Variants in SCARA5 observed in about 807,000 individuals in gnomAD.
SCARA5 encodes the protein scavenger receptor class A, member 5 (putative).
In SCARA5, 45 loss-of-function variants were observed where a neutral mutation model predicts 46.3. The ratio of observed to expected loss-of-function variants is 0.97; its 90% CI spans 0.76 to 1.24. The LOEUF is 1.24. Among genes scored for constraint, SCARA5 ranks in the 50% most tolerant of loss-of-function variants. The probability of loss-of-function intolerance (pLI) is 0.00; values close to 1 mark genes in which losing one functional copy is unlikely to be tolerated. For missense variants in SCARA5, 680 were observed against 689.0 expected, an observed-to-expected ratio of 0.99 and a Z score of 0.15; for synonymous variants, 333 against 306.5, an observed-to-expected ratio of 1.09 and a Z score of -0.90.
At position 27,913,378 on chromosome 8, in the gene SCARA5, T is replaced by C. The variant is rs73567097; in HGVS notation, c.917-3635A>G. 1.3e-3 allele frequency among the ~76,000 whole-genome samples: 202 copies of C among 152,338 alleles called. 1 individual carries two copies. Among genetic ancestry groups the C allele is most frequent in the African/African-American group, 4.6e-3 (190 of 41,576 alleles). On this transcript the variant is annotated intron_variant, in intron 4 of 8. Coordinates refer to ENST00000354914, the MANE Select transcript of SCARA5 (RefSeq NM_173833.6). ...CAGGGGCTCCGAGGACCAAGTGATC[T>C]TTAAATCACTGATGCTGCCTGTAGG... is the stretch of plus-strand genomic sequence containing the variant.
At chr8:27,907,042 C>G in intron 6 of SCARA5, 106 bp downstream of exon 6, 1 of 725,544 alleles carries the variant, frequency 1.4e-6, no homozygotes, top group Non-Finnish European at 2.3e-6. Context: ...GGTTGCCCCG[C>G]TGGTCCGTGG....
At chr8:27,934,868 T>C (rs913101514) in intron 3 of SCARA5, among the ~76,000 whole-genome samples, 3 of 152,380 alleles carry the variant, frequency 2.0e-5, no homozygotes, top group African/African-American at 7.2e-5. Context: ...ATGGCTAAAG[T>C]CTGCAAAGTC....
At position 27,975,075 on chromosome 8, in the gene SCARA5, T is replaced by C. The variant is rs542769109; in HGVS notation, c.113-8533A>G. On this transcript the variant is annotated intron_variant, in intron 2 of 8. Coordinates refer to ENST00000354914, the MANE Select transcript of SCARA5 (RefSeq NM_173833.6). ...CAAGGCAGGATTAGAGAGTTGGGAC[T>C]TTCAGCCTTACCCCCAACCTCCAGG... Among the ~76,000 whole-genome samples, 309 of 152,274 alleles carry C rather than the reference T, an allele frequency of 2.0e-3. 3 individuals carry two copies. Among genetic ancestry groups the C allele is most frequent in the African/African-American group, 7.1e-3 (293 of 41,558 alleles).
At chr8:27,960,177 CTTTTT>C (rs11299595) in intron 3 of SCARA5, among the ~76,000 whole-genome samples, 1 of 145,050 alleles carries the variant, frequency 6.9e-6, no homozygotes, top group African/African-American at 2.6e-5. Flanking sequence ...TTCTGGAGCA[CTTTTT>C]TTTTTTTTTT....
At chr8:27,887,393 G>T (rs1806914002) in intron 7 of SCARA5, among the ~76,000 whole-genome samples, 1 of 152,254 alleles carries the variant, frequency 6.6e-6, no homozygotes, top group African/African-American at 2.4e-5. Flanking sequence ...GCAGACTGGG[G>T]TCTACCTGTC....
At chr8:27,880,752 G>A (rs1806798031) in intron 7 of SCARA5, among the ~76,000 whole-genome samples, 1 of 151,524 alleles carries the variant, frequency 6.6e-6, no homozygotes, top group Non-Finnish European at 1.5e-5. Flanking sequence ...CTACTCGGGA[G>A]GCTGAGGTGG....
chr8:27,938,123 C>A (rs1229680189), intron 3 of SCARA5, among the ~76,000 whole-genome samples: 1 of 152,080 alleles, frequency 6.6e-6, no homozygotes, highest in Non-Finnish European at 1.5e-5. Flanking sequence ...ACTGTCCCAG[C>A]CCACTCAGAA....
At chr8:27,904,473 T>G (rs1296713384) in intron 7 of SCARA5, 2 of 518,572 alleles carry the variant, frequency 3.9e-6, no homozygotes. Flanking sequence ...CCCTATTTTA[T>G]AGATGAGAAC....
intron 1 of SCARA5, among the ~76,000 whole-genome samples, chr8:27,990,376 T>C (rs562690226): frequency 6.6e-6 from 1 of 152,244 alleles, no homozygotes; most frequent in Non-Finnish European, 1.5e-5. Context: ...GAAGCAGGCA[T>C]TGGGACCCTC....
chr8:27,987,824 C>T lies in SCARA5; in HGVS notation c.-15-194G>A, dbSNP rs534481640. On this transcript the variant is annotated intron_variant, in intron 1 of 8. Transcript: ENST00000354914. The stretch of plus-strand genomic sequence containing the variant: ...TCCAGGTCCTTGGGGCCGTGATGCC[C>T]CCACTCCCAGCTTCCTCAGGGCTTC... 5.3e-5 allele frequency among the ~76,000 whole-genome samples: 8 copies of T among 152,308 alleles called. No homozygotes were observed. In the East Asian group the frequency reaches 1.5e-3, roughly 29 times the overall value.
At chr8:27,966,344 A>C in intron 3 of SCARA5, 70 bp downstream of exon 3, 3 of 1,471,634 alleles carry the variant, frequency 2.0e-6, no homozygotes, top group Non-Finnish European at 2.7e-6. Context: ...GACAGTGGGA[A>C]TGAAGAGTGG....
chr8:27,897,172 C>T (rs900210553), intron 7 of SCARA5, among the ~76,000 whole-genome samples: 32 of 152,076 alleles, frequency 2.1e-4, no homozygotes, highest in African/African-American at 7.5e-4. Context: ...CAAACACCCT[C>T]CAAGGGTGGC....
At chr8:27,988,765 C>T (rs960502289) in intron 1 of SCARA5, among the ~76,000 whole-genome samples, 2 of 152,192 alleles carry the variant, frequency 1.3e-5, no homozygotes, top group African/African-American at 4.8e-5. Context: ...ATGAGTTTAT[C>T]TTGACCTTTG....
In SCARA5 at chr8:27,950,266, C is replaced by T. The variant is rs375958084; in HGVS notation, c.241+16148G>A. On this transcript the variant is annotated intron_variant, in intron 3 of 8. Coordinates refer to ENST00000354914, the MANE Select transcript of SCARA5 (RefSeq NM_173833.6). ...AACCACCTATGTCTGCACTTTGACGCGAGCCAGACCTGGGGGTTGCCAGGA... is the reference window on the plus strand; with the variant it reads ...AACCACCTATGTCTGCACTTTGACGTGAGCCAGACCTGGGGGTTGCCAGGA... 4.6e-5 allele frequency among the ~76,000 whole-genome samples: 7 copies of T among 152,146 alleles called. No homozygotes were observed. In the East Asian group the frequency reaches 5.8e-4, roughly 13 times the overall value.
chr8:27,966,447 A>C lies in SCARA5; in HGVS notation c.208T>G (p.Phe70Val). ...HAVLGLYLLV[F>V]LILVGIFILA... ...ATGAAGATGCCCACAAGAATCAGGA[A>C]GACCAGCAGGTAGAGCCCCAGGACA... Residue 70 changes from phenylalanine (F) to valine (V), a missense_variant, in exon 3 of 9, where the codon TTC (phenylalanine) becomes GTC (valine). Physicochemically the swap from Phe to Val is conservative, Grantham distance 50. Transcript: ENST00000354914. 6.2e-7 allele frequency: 1 copy of C among 1,613,364 alleles called. No homozygotes were observed. Among genetic ancestry groups the C allele is most frequent in the South Asian group, 1.1e-5 (1 of 90,932 alleles).
At chr8:27,919,202 G>A (rs1368558403) in intron 4 of SCARA5, among the ~76,000 whole-genome samples, 1 of 145,326 alleles carries the variant, frequency 6.9e-6, no homozygotes, top group African/African-American at 2.6e-5. Flanking sequence ...AGGAGGAGGA[G>A]GGAATAGAGA....
intron 3 of SCARA5, among the ~76,000 whole-genome samples, chr8:27,949,178 G>A (rs560049490): frequency 3.9e-5 from 6 of 152,352 alleles, no homozygotes; most frequent in South Asian, 2.1e-4. Flanking sequence ...CAGAGCCCAC[G>A]TGGCTCAGAG....
At chr8:27,942,381 G>C (rs1807964878) in intron 3 of SCARA5, among the ~76,000 whole-genome samples, 1 of 152,180 alleles carries the variant, frequency 6.6e-6, no homozygotes, top group Admixed American at 6.5e-5. Context: ...TTTCCAAAGA[G>C]ATCCAGAACG....
chr8:27,977,119 A>T lies in SCARA5; in HGVS notation c.112+10385T>A, dbSNP rs542232298. Among the ~76,000 whole-genome samples, 246 of 152,324 alleles carry T rather than the reference A, an allele frequency of 1.6e-3. 1 individual carries two copies. Among genetic ancestry groups the T allele is most frequent in the Middle Eastern group, 6.8e-3 (2 of 294 alleles). ...ACTCCTCACGGTATACTCCCATGGC[A>T]GCAAGAGAGTGAGGGAGCCGCTGGG... On this transcript the variant is annotated intron_variant, in intron 2 of 8. Transcript: ENST00000354914.
Sources: gnomAD v4.1 joint callset for allele counts (sites outside exome capture counted in the v4.1 genomes callset) on GRCh38, gnomAD v4.1.1 for gene constraint, MANE v1.5 for transcripts, NCBI Gene and HGNC (gene_info 2026-07-23, HGNC 2026-07-21) for gene names.